The following LTBP4 variants were observed in gnomAD, a reference collection of about 807,000 sequenced individuals.
LTBP4 encodes latent-transforming growth factor beta-binding protein 4.
In LTBP4, 93 loss-of-function variants were observed where a neutral mutation model predicts 180.2. The ratio of observed to expected loss-of-function variants is 0.52; its 90% CI spans 0.44 to 0.61. LTBP4 has a LOEUF of 0.61. Ranked by LOEUF, LTBP4 falls within the 20% of genes least tolerant of loss-of-function variation. The probability of loss-of-function intolerance (pLI) is 0.00; values close to 1 mark genes in which losing one functional copy is unlikely to be tolerated. For synonymous variants in LTBP4, 947 were observed against 934.5 expected, an observed-to-expected ratio of 1.01 and a Z score of -0.24; for missense variants, 2,116 against 2,256.5, an observed-to-expected ratio of 0.94 and a Z score of 1.26.
upstream of LTBP4, among the ~76,000 whole-genome samples, chr19:40,601,022 A>G (rs1001265281): frequency 4.6e-5 from 7 of 151,938 alleles, no homozygotes; most frequent in Admixed American, 1.3e-4. Flanking sequence ...TGTCTCCCCA[A>G]ATGTGGCCCC....
intron 29 of LTBP4, 122 bp downstream of exon 29, chr19:40,627,979 C>T: frequency 2.3e-6 from 3 of 1,328,026 alleles, no homozygotes; most frequent in Non-Finnish European, 3.0e-6. Flanking sequence ...GGGGACGGGC[C>T]AGCGCAAAAG....
chr19:40,610,789 C>A, intron 12 of LTBP4, 132 bp downstream of exon 12: 2 of 1,342,660 alleles, frequency 1.5e-6, no homozygotes, highest in East Asian at 2.4e-5. Context: ...CTCGAGCAGA[C>A]GTGTGGCCTG....
In LTBP4 at chr19:40,612,128, G is replaced by A. The variant is rs374862225; in HGVS notation, c.2235G>A (p.Ser745=). 159 of 1,613,376 alleles carry A rather than the reference G, an allele frequency of 9.9e-5. No homozygotes were observed. The African/African-American group carries it at 1.7e-3, about 18-fold the overall frequency. ...LACPGQECVN[S]PGSFQCRTCP... ...GCCCTGGGCAGGAGTGTGTGAACTC[G>A]CCCGGCTCCTTCCAGTGCAGGACCT... The change falls in exon 15 of 30, where the codon TCG becomes TCA. Residue 745 remains serine (S), a synonymous_variant. Transcript: ENST00000396819.
At chr19:40,593,718 C>G (rs112010853) in intron 1 of LTBP4, among the ~76,000 whole-genome samples, 2 of 151,218 alleles carry the variant, frequency 1.3e-5, no homozygotes, top group Admixed American at 6.6e-5. Flanking sequence ...TTTTCCAGGC[C>G]GGAGAATCCA....
chr19:40,615,841 A>G (rs1051836300), intron 19 of LTBP4, among the ~76,000 whole-genome samples: 4 of 152,240 alleles, frequency 2.6e-5, no homozygotes, highest in African/African-American at 9.6e-5. Flanking sequence ...CAAAATAGAC[A>G]CAAATCCCTG....
chr19:40,599,921 C>G, upstream of LTBP4: 1 of 471,698 alleles, frequency 2.1e-6, no homozygotes, highest in East Asian at 3.3e-5. Context: ...TTCTCTCCCA[C>G]TAGAGGCCTG....
chr19:40,608,316 G>C lies in LTBP4; in HGVS notation c.1253G>C (p.Arg418Pro), dbSNP rs767092809. 1.2e-6 allele frequency: 2 copies of C among 1,613,590 alleles called. No individual in the cohort carries two copies. The highest frequency in any genetic ancestry group is 2.7e-5 in the African/African-American group (2 of 74,924). The change falls in exon 8 of 30, where the codon CGA (arginine) becomes CCA (proline). Residue 418 changes from arginine (R) to proline (P), a missense_variant. By Grantham distance (103) the Arg-to-Pro change is moderately radical. Around this residue, in one of 5 missense-constraint regions of LTBP4, gnomAD observed 877 missense variants for 873.6 expected, o/e 1.00. Coordinates refer to ENST00000396819, the MANE Select transcript of LTBP4 (RefSeq NM_001042545.2). ...AGACCCCTGGGCCAGGAGCCACCCC[G>C]AGTGTCACTCAGCCAGCCTCGTACC... ...NTRPLGQEPP[R>P]VSLSQPRTLP...
rs56053315 is a variant in LTBP4, at chr19:40,617,643, C to CAAA, written c.3070+441_3070+443dup. On this transcript the variant is annotated intron_variant, in intron 21 of 29. Transcript: ENST00000396819. ...TGGGTGACAGAGTGAGACCCTGTCT[C>CAAA]AAAAAAAAAAAAAAAAAAAAAAAAA... is the stretch of plus-strand genomic sequence containing the variant. Among the ~76,000 whole-genome samples the CAAA allele has an allele frequency of 2.8e-3, 329 of 118,676 alleles. 1 individual carries two copies. Among genetic ancestry groups the CAAA allele is most frequent in the African/African-American group, 8.7e-3 (301 of 34,710 alleles). The allele number at this position is 118,676 out of a possible 152,430, so 77.9% of individuals were successfully genotyped here.
Position 40,606,241 on chromosome 19 carries a change from G to A in LTBP4, c.802G>A (p.Glu268Lys). The change falls in exon 5 of 30, where the codon GAA (glutamate) becomes AAA (lysine). Residue 268 changes from glutamate to lysine, a missense_variant. Around this residue, in one of 5 missense-constraint regions of LTBP4, gnomAD observed 469 missense variants for 532.5 expected, o/e 0.88. Coordinates refer to ENST00000396819, the MANE Select transcript of LTBP4 (RefSeq NM_001042545.2). The part of the protein sequence containing the change: ...QLCSERLGNS[E>K]RVSAPDGPCP... ...CTCTCCTCTCGCCACAGGGAACTCCGAAAGAGTGAGCGCCCCAGATGGACC... is the reference window on the plus strand; with the variant it reads ...CTCTCCTCTCGCCACAGGGAACTCCAAAAGAGTGAGCGCCCCAGATGGACC... The A allele has an allele frequency of 6.3e-7, 1 of 1,589,234 alleles. No homozygotes were observed. The highest frequency in any genetic ancestry group is 2.3e-5 in the East Asian group (1 of 43,902).
chr19:40,622,048 G>T lies in LTBP4; in HGVS notation c.3218-353G>T, dbSNP rs899376133. 6.6e-6 allele frequency among the ~76,000 whole-genome samples: 1 copy of T among 152,072 alleles called. No individual in the cohort carries two copies. The highest frequency in any genetic ancestry group is 2.4e-5 in the African/African-American group (1 of 41,420). ...ACAGGCAGGAGCCACTGCACCTGGC[G>T]ACAAATTGTAGGTTTTGAGATGAAG... On this transcript the variant is annotated intron_variant, in intron 22 of 29. Transcript: ENST00000396819. This position sits in a 1 kb window ranked among gnomAD's most constrained non-coding sequence, Gnocchi z 5.1.
Position 40,611,864 on chromosome 19 carries a change from G to T in LTBP4, c.2059G>T (p.Asp687Tyr). The change falls in exon 14 of 30, where the codon GAT becomes TAT. Residue 687 changes from aspartate to tyrosine, a missense_variant. This residue lies in a region of LTBP4 where 877 missense variants were observed against 873.6 expected (regional missense o/e 1.00). Coordinates refer to ENST00000396819, the MANE Select transcript of LTBP4 (RefSeq NM_001042545.2). The surrounding 1 kb of genome is among the most constrained non-coding windows in gnomAD (Gnocchi z 4.4). ...RGPGAPCQDV[D>Y]ECARSPPPCT... ...ATTGGTCCCCTCTGCCCCAGATGTG[G>T]ATGAGTGTGCCCGAAGCCCCCCACC... 1 of 1,608,198 alleles carries T rather than the reference G, an allele frequency of 6.2e-7. No homozygotes were observed. Among genetic ancestry groups the T allele is most frequent in the Non-Finnish European group, 8.5e-7 (1 of 1,177,454 alleles).
In LTBP4 at chr19:40,611,752, G is replaced by T. The variant is rs2081507977; in HGVS notation, c.2054-107G>T. On this transcript the variant is annotated intron_variant, in intron 13 of 29. Transcript: ENST00000396819. This position sits in a 1 kb window ranked among gnomAD's most constrained non-coding sequence, Gnocchi z 4.4. ...TCCTGGGAAGAGGGAGCAGCCTGAG[G>T]CAAGTCCAGAAGGCAGGCTCAAGAC... The T allele has an allele frequency of 1.4e-6, 2 of 1,470,034 alleles. No homozygotes were observed. Among genetic ancestry groups the T allele is most frequent in the African/African-American group, 1.4e-5 (1 of 71,480 alleles). 91.1% of individuals were successfully genotyped at this position (1,470,034 alleles called of 1,614,324 possible).
intron 7 of LTBP4, among the ~76,000 whole-genome samples, 191 bp from the exon 8 acceptor site, chr19:40,608,029 G>T (rs1019695030): frequency 5.3e-5 from 8 of 152,126 alleles, no homozygotes; most frequent in African/African-American, 1.9e-4. Context: ...GTGGGAAAAC[G>T]CTCTTGGCCC....
chr19:40,606,080 C>G lies in LTBP4; in HGVS notation c.794-153C>G, dbSNP rs549937868. Among the ~76,000 whole-genome samples, 3 of 152,288 alleles carry G rather than the reference C, an allele frequency of 2.0e-5. No individual in the cohort carries two copies. The South Asian group carries it at 6.2e-4, about 32-fold the overall frequency. ...CCCCACCATATACTTTGGGAGTCTCCAATGTTGCCATTTCAACTGCCAACC... is the reference window on the plus strand; with the variant it reads ...CCCCACCATATACTTTGGGAGTCTCGAATGTTGCCATTTCAACTGCCAACC... On this transcript the variant is annotated intron_variant, in intron 4 of 29. Coordinates refer to ENST00000396819, the MANE Select transcript of LTBP4 (RefSeq NM_001042545.2).
chr19:40,603,427 C>T (rs1195399355), intron 1 of LTBP4, among the ~76,000 whole-genome samples: 4 of 152,198 alleles, frequency 2.6e-5, no homozygotes, highest in Non-Finnish European at 5.9e-5. Context: ...TTCCACTTCA[C>T]TATCTAAACC....
chr19:40,617,815 G>C (rs1310839093), intron 21 of LTBP4, among the ~76,000 whole-genome samples: 1 of 152,160 alleles, frequency 6.6e-6, no homozygotes, highest in Non-Finnish European at 1.5e-5. Flanking sequence ...AACATTTTAT[G>C]AGGAAAATTT....
intron 26 of LTBP4, among the ~76,000 whole-genome samples, chr19:40,625,310 ATATATATT>A (rs2081624756): frequency 5.4e-5 from 1 of 18,494 alleles, no homozygotes; most frequent in Non-Finnish European, 9.0e-5. Context: ...ATATATATAT[ATATATATT>A]TTTTTTTTTA....
At position 40,627,260 on chromosome 19, in the gene LTBP4, C is replaced by A; in HGVS notation, c.4271C>A (p.Pro1424Gln). Residue 1424 changes from proline to glutamine, a missense_variant, in exon 28 of 30, where the codon CCA (proline) becomes CAA (glutamine). This residue lies in a region of LTBP4 where 488 missense variants were observed against 458.8 expected (regional missense o/e 1.06). Transcript: ENST00000396819. The part of the protein sequence containing the change: ...GPYGESEAPA[P>Q]PGPGTRWPYR... ...TATGGCGAATCTGAGGCTCCTGCGC[C>A]ACCTGGCCCGGGCACCCGCTGGCCC... 6.3e-7 allele frequency: 1 copy of A among 1,575,420 alleles called. No homozygotes were observed. Among genetic ancestry groups the A allele is most frequent in the Middle Eastern group, 1.7e-4 (1 of 6,022 alleles).
chr19:40,615,120 C>T (rs1243483726), intron 19 of LTBP4, among the ~76,000 whole-genome samples: 1 of 146,378 alleles, frequency 6.8e-6, no homozygotes, highest in South Asian at 2.1e-4. Flanking sequence ...TCTTTCACCC[C>T]TCCCGGGTCA....
Sources: gnomAD v4.1 joint callset for allele counts (sites outside exome capture counted in the v4.1 genomes callset) on GRCh38, gnomAD v4.1.1 for gene constraint, gnomAD v4.1.1 regional missense constraint, Gnocchi (gnomAD v3.1) non-coding constraint, MANE v1.5 for transcripts, NCBI Gene and HGNC (gene_info 2026-07-23, HGNC 2026-07-21) for gene names.